The following HS6ST3 variants were observed in gnomAD, a reference collection of about 807,000 sequenced individuals.
HS6ST3 encodes heparan-sulfate 6-O-sulfotransferase 3.
A neutral mutation model predicts 36.7 loss-of-function variants in HS6ST3; 12 were observed. The observed-to-expected ratio is 0.33, with a 90% CI of 0.21 to 0.53. The LOEUF is 0.53. Among genes scored for constraint, HS6ST3 ranks in the 20% least tolerant of loss-of-function variants. The pLI, the probability that HS6ST3 is intolerant of heterozygous loss-of-function variation, is 0.95. For missense variants in HS6ST3, 584 were observed against 640.9 expected, an observed-to-expected ratio of 0.91 and a Z score of 0.96; for synonymous variants, 240 against 257.5, an observed-to-expected ratio of 0.93 and a Z score of 0.65.
chr13:96,660,447 A>G (rs933420844), intron 1 of HS6ST3, among the ~76,000 whole-genome samples: 1 of 152,190 alleles, frequency 6.6e-6, no homozygotes, highest in Non-Finnish European at 1.5e-5. Context: ...TTTTCAATAA[A>G]TGGTGTTGGG....
At chr13:96,782,659 C>T (rs1877553731) in intron 1 of HS6ST3, among the ~76,000 whole-genome samples, 1 of 152,052 alleles carries the variant, frequency 6.6e-6, no homozygotes, top group South Asian at 2.1e-4. Context: ...TATCCTTGCC[C>T]TGAGATAAAA....
At chr13:96,118,999 C>T (rs893267285) in intron 1 of HS6ST3, among the ~76,000 whole-genome samples, 10 of 151,756 alleles carry the variant, frequency 6.6e-5, no homozygotes, top group South Asian at 2.1e-4. Flanking sequence ...CGTGAGCCAC[C>T]GCGCCCGGCC....
At chr13:96,709,752 A>G (rs1875516724) in intron 1 of HS6ST3, among the ~76,000 whole-genome samples, 1 of 152,212 alleles carries the variant, frequency 6.6e-6, no homozygotes, top group Non-Finnish European at 1.5e-5. Context: ...TCAGCCCCCC[A>G]GGCTGTGGTA....
intron 1 of HS6ST3, among the ~76,000 whole-genome samples, chr13:96,807,356 A>T (rs1195004680): frequency 6.6e-6 from 1 of 152,150 alleles, no homozygotes; most frequent in Non-Finnish European, 1.5e-5. Flanking sequence ...TCTTATTTGG[A>T]AATACAATTG....
intron 1 of HS6ST3, among the ~76,000 whole-genome samples, chr13:96,828,277 A>G (rs1490600341): frequency 6.6e-6 from 1 of 152,232 alleles, no homozygotes; most frequent in Non-Finnish European, 1.5e-5. Flanking sequence ...ACCTAGTGGT[A>G]AGGCTAGACA....
intron 1 of HS6ST3, among the ~76,000 whole-genome samples, chr13:96,331,669 C>A (rs535629339): frequency 1.3e-5 from 2 of 152,334 alleles, no homozygotes; most frequent in East Asian, 3.9e-4. Context: ...GTGGAGCCTA[C>A]AGAGGCAGGC....
intron 1 of HS6ST3, among the ~76,000 whole-genome samples, chr13:96,404,917 C>T (rs929208945): frequency 6.6e-6 from 1 of 152,100 alleles, no homozygotes; most frequent in Admixed American, 6.6e-5. Context: ...ATCTTTCCTG[C>T]GTTGTGCTGG....
intron 1 of HS6ST3, among the ~76,000 whole-genome samples, chr13:96,177,986 A>G (rs1384362753): frequency 6.6e-6 from 1 of 151,994 alleles, no homozygotes; most frequent in African/African-American, 2.4e-5. Flanking sequence ...TGATTTGGGG[A>G]GGACTGTGAT....
At chr13:96,138,888 A>G (rs1459556493) in intron 1 of HS6ST3, among the ~76,000 whole-genome samples, 1 of 152,176 alleles carries the variant, frequency 6.6e-6, no homozygotes, top group Non-Finnish European at 1.5e-5. Context: ...ATAGAAAAAA[A>G]TGAAGGAAAC....
chr13:96,666,369 A>G (rs960993786), intron 1 of HS6ST3, among the ~76,000 whole-genome samples: 1 of 152,044 alleles, frequency 6.6e-6, no homozygotes, highest in East Asian at 1.9e-4. Context: ...AGTGCTCAAT[A>G]TTATTTTTCT....
At chr13:96,653,229 C>A (rs1006503727) in intron 1 of HS6ST3, among the ~76,000 whole-genome samples, 29 of 151,900 alleles carry the variant, frequency 1.9e-4, no homozygotes, top group African/African-American at 6.5e-4. Flanking sequence ...TATTTTTATA[C>A]TTTAAGTTCT....
rs74106494 is a variant in HS6ST3, at chr13:96,503,840, A to G, written c.708-328650A>G. Among the ~76,000 whole-genome samples, 1,354 of 152,258 alleles carry G rather than the reference A, an allele frequency of 8.9e-3. 20 individuals are homozygous for G. The highest frequency in any genetic ancestry group is 0.03 in the African/African-American group (1,266 of 41,552). ...CATAGACTGGGGTGCTTAAACAACA[A>G]ACATTTATTTCTCACAGTTCTGGAG... is the stretch of plus-strand genomic sequence containing the variant. On this transcript the variant is annotated intron_variant, in intron 1 of 1. Coordinates refer to ENST00000376705, the MANE Select transcript of HS6ST3 (RefSeq NM_153456.4).
rs1278881977 is a variant in HS6ST3, at chr13:96,832,875, G to C, written c.1093G>C (p.Glu365Gln). 6.2e-7 allele frequency: 1 copy of C among 1,614,022 alleles called. No individual in the cohort carries two copies. Among genetic ancestry groups the C allele is most frequent in the Non-Finnish European group, 8.5e-7 (1 of 1,180,034 alleles). Residue 365 changes from glutamate to glutamine, a missense_variant, in exon 2 of 2, where the codon GAG becomes CAG. Coordinates refer to ENST00000376705, the MANE Select transcript of HS6ST3 (RefSeq NM_153456.4). ...CCAGAGGAAGACACAGTTTCTCTTTGAGAGAACATTCAACCTCAAGTTCAT... is the reference window on the plus strand; with the variant it reads ...CCAGAGGAAGACACAGTTTCTCTTTCAGAGAACATTCAACCTCAAGTTCAT... ...EFQRKTQFLF[E>Q]RTFNLKFISP...
chr13:96,193,716 T>G (rs762672331), intron 1 of HS6ST3, among the ~76,000 whole-genome samples: 1 of 152,222 alleles, frequency 6.6e-6, no homozygotes, highest in Non-Finnish European at 1.5e-5. Flanking sequence ...AGCCTATGTC[T>G]TAAGAGTTGG....
intron 1 of HS6ST3, among the ~76,000 whole-genome samples, chr13:96,471,673 T>C (rs1166876095): frequency 4.6e-5 from 7 of 152,200 alleles, no homozygotes; most frequent in African/African-American, 1.4e-4. Flanking sequence ...CTTTCCTTAT[T>C]GACACAATGG....
At chr13:96,693,857 T>G (rs1182144201) in intron 1 of HS6ST3, among the ~76,000 whole-genome samples, 1 of 152,190 alleles carries the variant, frequency 6.6e-6, no homozygotes, top group Non-Finnish European at 1.5e-5. Context: ...TAAAGTTACA[T>G]GGGTCCAGAT....
chr13:96,264,264 G>C (rs2054680556), intron 1 of HS6ST3, among the ~76,000 whole-genome samples: 1 of 152,136 alleles, frequency 6.6e-6, no homozygotes, highest in African/African-American at 2.4e-5. Flanking sequence ...TACCAGAAGA[G>C]GTACTGAAGT....
At chr13:96,419,312 C>A (rs1375778001) in intron 1 of HS6ST3, among the ~76,000 whole-genome samples, 5 of 152,164 alleles carry the variant, frequency 3.3e-5, no homozygotes, top group Non-Finnish European at 5.9e-5. Flanking sequence ...AATACTGAAG[C>A]TGCATAAAAG....
rs539209227 is a variant in HS6ST3, at chr13:96,604,651, C to G, written c.708-227839C>G. 3.1e-3 allele frequency among the ~76,000 whole-genome samples: 470 copies of G among 152,180 alleles called. 3 individuals carry two copies. The highest frequency in any genetic ancestry group is 5.8e-3 in the Non-Finnish European group (393 of 67,982). ...AATATATGCCATTATCAGAATTGAG[C>G]TTATAGTATTCTAATTGTGATACAA... On this transcript the variant is annotated intron_variant, in intron 1 of 1. Transcript: ENST00000376705.
Sources: allele counts gnomAD v4.1 joint callset (sites outside exome capture counted in the v4.1 genomes callset), GRCh38; gene constraint gnomAD v4.1.1; transcripts MANE v1.5; gene names NCBI Gene and HGNC (gene_info 2026-07-23, HGNC 2026-07-21).